ATAD2: variants seen among roughly 807,000 people sequenced by gnomAD.
The protein encoded by ATAD2 is ATPase family AAA domain containing 2.
In ATAD2, 62 loss-of-function variants were observed where a neutral mutation model predicts 168.9. The observed-to-expected ratio is 0.37, with a 90% CI of 0.30 to 0.45. The LOEUF is 0.45. Ranked by LOEUF, ATAD2 falls within the 20% of genes least tolerant of loss-of-function variation. The pLI is 1.00. For synonymous variants in ATAD2, 613 were observed against 571.6 expected (o/e 1.07, Z -1.03); for missense variants, 1,419 against 1,667.8 (o/e 0.85, Z 2.60).
chr8:123,380,666 T>C lies in ATAD2; in HGVS notation c.183A>G (p.Ser61=), dbSNP rs753479389. The change falls in exon 2 of 28, where the codon TCA becomes TCG. Residue 61 remains serine, a synonymous_variant. Coordinates refer to ENST00000287394, the MANE Select transcript of ATAD2 (RefSeq NM_014109.4). ...GGTGGTAGGTTTCAACTTCCTTAAC[T>C]GATGACCCATCCTTTAAGAAAAATT... ...ATTAKAGDGS[S]VKEVETYHRT... 2 of 1,609,192 alleles carry C rather than the reference T, an allele frequency of 1.2e-6. No individual in the cohort carries two copies. The highest frequency in any genetic ancestry group is 2.2e-5 in the South Asian group (2 of 89,828).
chr8:123,355,608 G>A (rs962065852), intron 13 of ATAD2, among the ~76,000 whole-genome samples: 1 of 152,064 alleles, frequency 6.6e-6, no homozygotes, highest in Non-Finnish European at 1.5e-5. Flanking sequence ...TTTGTTTAGC[G>A]CAGGCAATGT....
At chr8:123,401,397 G>A, upstream of ATAD2, 1 of 1,387,660 alleles carries the variant, frequency 7.2e-7, no homozygotes, top group Non-Finnish European at 1.0e-6. Context: ...TCTTGGACTT[G>A]TCCGAAGGGA....
At chr8:123,415,784 G>A (rs185557738) in intron 1 of ATAD2, among the ~76,000 whole-genome samples, 38 of 152,118 alleles carry the variant, frequency 2.5e-4, no homozygotes, top group Admixed American at 5.2e-4. Context: ...TAGTAGAGAC[G>A]GAGTTTCACC....
At chr8:123,322,762 A>G (rs540778808) in intron 27 of ATAD2, among the ~76,000 whole-genome samples, 176 bp downstream of exon 27, 89 of 152,360 alleles carry the variant, frequency 5.8e-4, no homozygotes, top group African/African-American at 2.1e-3. Flanking sequence ...CATAATCCAC[A>G]TATTAAAAAT....
intron 1 of ATAD2, among the ~76,000 whole-genome samples, chr8:123,394,976 G>A (rs1812760116): frequency 6.6e-6 from 1 of 152,170 alleles, no homozygotes; most frequent in South Asian, 2.1e-4. Flanking sequence ...GCCCACAAAA[G>A]ATACTGGCAA....
At chr8:123,360,529 G>A (rs1159623623) in intron 9 of ATAD2, among the ~76,000 whole-genome samples, 1 of 152,114 alleles carries the variant, frequency 6.6e-6, no homozygotes, top group Non-Finnish European at 1.5e-5. Context: ...TTTTAGTCGA[G>A]ACGGGGTTTC....
chr8:123,390,362 G>A (rs1030447466), intron 1 of ATAD2, among the ~76,000 whole-genome samples: 1 of 152,072 alleles, frequency 6.6e-6, no homozygotes. Context: ...TGTCTCATCA[G>A]ATCCCTGTTC....
intron 1 of ATAD2, among the ~76,000 whole-genome samples, chr8:123,395,872 TGGGGGGTCGTGC>T (rs1040263608): frequency 6.6e-6 from 1 of 151,048 alleles, no homozygotes; most frequent in African/African-American, 2.4e-5. Context: ...GGCCAGGGAG[TGGGGGGTCGTGC>T]GGGCGGCCGA....
In ATAD2 at chr8:123,396,181, A is replaced by C; in HGVS notation, c.171+6T>G. 1 of 1,565,528 alleles carries C rather than the reference A, an allele frequency of 6.4e-7. No homozygotes were observed. The highest frequency in any genetic ancestry group is 8.6e-7 in the Non-Finnish European group (1 of 1,162,110). ...CCCTGGGAGCCCGCCTCAGGCCCGTACTCACGCCCGCTTTGGCTGTGGTCG... is the reference window on the plus strand; with the variant it reads ...CCCTGGGAGCCCGCCTCAGGCCCGTCCTCACGCCCGCTTTGGCTGTGGTCG... On this transcript the variant is annotated splice_donor_region_variant and intron_variant, in intron 1 of 27. Coordinates refer to ENST00000287394, the MANE Select transcript of ATAD2 (RefSeq NM_014109.4).
intron 24 of ATAD2, among the ~76,000 whole-genome samples, chr8:123,333,281 G>A (rs1261470893): frequency 1.3e-5 from 2 of 148,834 alleles, no homozygotes; most frequent in East Asian, 2.0e-4. Flanking sequence ...ATAGTGGCGG[G>A]TGCCTATAGT....
chr8:123,346,478 C>A, intron 17 of ATAD2, 140 bp downstream of exon 17: 3 of 1,033,492 alleles, frequency 2.9e-6, no homozygotes, highest in East Asian at 5.6e-5. Flanking sequence ...GTTGTGACAA[C>A]TGTAACAACA....
Position 123,344,703 on chromosome 8 carries a change from T to C in ATAD2, c.2718+181A>G. On this transcript the variant is annotated intron_variant, in intron 19 of 27. Transcript: ENST00000287394. ...TGTATCCTTAATATATACATACACA[T>C]ATACATATACCATCTTGCCCAATGA... 3 of 654,024 alleles carry C rather than the reference T, an allele frequency of 4.6e-6. No individual in the cohort carries two copies. The South Asian group carries it at 5.6e-5, about 12-fold the overall frequency. 40.5% of individuals were successfully genotyped at this position (654,024 alleles called of 1,614,324 possible). A position where few individuals can be genotyped will look rare whatever the true frequency, so the allele number is the denominator to read the frequency against.
chr8:123,409,273 A>G (rs1813117974), intron 1 of ATAD2, among the ~76,000 whole-genome samples: 1 of 152,132 alleles, frequency 6.6e-6, no homozygotes, highest in African/African-American at 2.4e-5. Context: ...TCCCACCCCA[A>G]TATAATTCAG....
intron 26 of ATAD2, among the ~76,000 whole-genome samples, chr8:123,323,818 T>G (rs192385586): frequency 1.3e-5 from 2 of 152,316 alleles, no homozygotes; most frequent in African/African-American, 4.8e-5. Flanking sequence ...AGGCCATTAT[T>G]TATTGCATGC....
At chr8:123,388,990 A>G (rs569581826) in intron 1 of ATAD2, among the ~76,000 whole-genome samples, 70 of 148,410 alleles carry the variant, frequency 4.7e-4, no homozygotes, top group Non-Finnish European at 8.4e-4. Flanking sequence ...TTTTTGACAC[A>G]GAGTCTCGCC....
intron 13 of ATAD2, among the ~76,000 whole-genome samples, chr8:123,355,616 T>C (rs967291150): frequency 6.6e-6 from 1 of 152,214 alleles, no homozygotes; most frequent in African/African-American, 2.4e-5. Flanking sequence ...GCGCAGGCAA[T>C]GTCTTAAAAG....
Position 123,413,060 on chromosome 8 carries a change from C to T in ATAD2, c.-2282+3188G>A, listed in dbSNP as rs117871847. On this transcript the variant is annotated intron_variant, in intron 1 of 28. Coordinates refer to the ATAD2 transcript ENST00000521903. ...CTTCTCAAGGACTTAGAGAGCCATT[C>T]CTTTGAAATGTAATCATCAGGAAGG... is the stretch of plus-strand genomic sequence containing the variant. Among the ~76,000 whole-genome samples the T allele has an allele frequency of 6.2e-4, 94 of 152,138 alleles. 1 individual carries two copies. The East Asian group carries it at 0.017, about 28-fold the overall frequency.
intron 2 of ATAD2, among the ~76,000 whole-genome samples, chr8:123,376,121 T>A (rs1829301487): frequency 7.2e-6 from 1 of 139,330 alleles, no homozygotes; most frequent in Non-Finnish European, 1.6e-5. Context: ...AAAAAAAAAA[T>A]TAGGCTGGGT....
chr8:123,380,304 C>T (rs931913301), intron 2 of ATAD2, among the ~76,000 whole-genome samples: 15 of 152,080 alleles, frequency 9.9e-5, no homozygotes, highest in African/African-American at 2.9e-4. Context: ...CTGTCTGCCT[C>T]GGCCTCCCAA....
Sources: gnomAD v4.1 joint callset for allele counts (sites outside exome capture counted in the v4.1 genomes callset) on GRCh38, gnomAD v4.1.1 for gene constraint, MANE v1.5 for transcripts, NCBI Gene and HGNC (gene_info 2026-07-23, HGNC 2026-07-21) for gene names.